Variants in TRPM3 observed in about 807,000 individuals in gnomAD.
TRPM3 encodes the protein transient receptor potential cation channel subfamily M member 3, also known as long transient receptor potential channel 3.
TRPM3 carries 77 observed loss-of-function variants against 181.2 expected under a neutral mutation model. The ratio of observed to expected loss-of-function variants is 0.42; its 90% CI spans 0.35 to 0.51. The LOEUF is 0.51. Ranked by LOEUF, TRPM3 falls within the 20% of genes least tolerant of loss-of-function variation. The pLI, the probability that TRPM3 is intolerant of heterozygous loss-of-function variation, is 0.01. For synonymous variants in TRPM3, 745 were observed against 796.4 expected, an observed-to-expected ratio of 0.94 and a Z score of 1.09; for missense variants, 1,759 against 2,196.7, an observed-to-expected ratio of 0.80 and a Z score of 3.98.
chr9:70,843,049 G>A lies in TRPM3; in HGVS notation c.755C>T (p.Ala252Val). The change falls in exon 5 of 26, where the codon GCC becomes GTC. Residue 252 changes from alanine to valine, a missense_variant. Physicochemically the swap from Ala to Val is moderately conservative, Grantham distance 64. Coordinates refer to ENST00000677713, the MANE Select transcript of TRPM3 (RefSeq NM_001366145.2). Reference protein sequence around the residue: ...SRGKICTIGIAPWGIVENQED... With the variant: ...SRGKICTIGIVPWGIVENQED... ...CTGGTTTTCCACAATTCCCCAGGGG[G>A]CAATACCTATGGTGCATATCTTTCC... 6.2e-7 allele frequency: 1 copy of A among 1,613,556 alleles called. No individual in the cohort carries two copies. The highest frequency in any genetic ancestry group is 8.5e-7 in the Non-Finnish European group (1 of 1,179,796).
chr9:71,384,226 A>T (rs1334257307), intron 1 of TRPM3, among the ~76,000 whole-genome samples: 1 of 152,192 alleles, frequency 6.6e-6, no homozygotes, highest in African/African-American at 2.4e-5. Flanking sequence ...ATAAATTGAA[A>T]AAACCTGAAT....
intron 1 of TRPM3, among the ~76,000 whole-genome samples, chr9:71,246,097 G>A (rs765716593): frequency 2.6e-5 from 4 of 152,128 alleles, no homozygotes; most frequent in Non-Finnish European, 5.9e-5. Context: ...TTTGGGAAGT[G>A]GACTGCTGCA....
At chr9:71,399,503 T>C (rs2093282776) in intron 1 of TRPM3, among the ~76,000 whole-genome samples, 1 of 151,390 alleles carries the variant, frequency 6.6e-6, no homozygotes, top group Admixed American at 6.6e-5. Flanking sequence ...ATGATATTCA[T>C]TTTACTCCTT....
intron 1 of TRPM3, among the ~76,000 whole-genome samples, chr9:71,186,556 T>C (rs925173573): frequency 3.3e-5 from 5 of 151,984 alleles, no homozygotes; most frequent in African/African-American, 1.2e-4. Flanking sequence ...AAGACTGATG[T>C]CCAAAGATGC....
chr9:71,260,006 G>A (rs1310477736), intron 1 of TRPM3, among the ~76,000 whole-genome samples: 5 of 151,914 alleles, frequency 3.3e-5, no homozygotes, highest in Admixed American at 6.6e-5. Context: ...GGGTTTTTAC[G>A]GTTTTAAGTC....
intron 1 of TRPM3, among the ~76,000 whole-genome samples, chr9:71,439,586 C>T (rs920246745): frequency 2.6e-5 from 4 of 152,098 alleles, no homozygotes; most frequent in African/African-American, 9.7e-5. Context: ...CAGCACTACT[C>T]CCCTGCTGCC....
At position 70,761,590 on chromosome 9, in the gene TRPM3, G is replaced by T; in HGVS notation, c.1272+11C>A. 1.9e-6 allele frequency: 3 copies of T among 1,613,986 alleles called. No individual in the cohort carries two copies. The highest frequency in any genetic ancestry group is 2.5e-6 in the Non-Finnish European group (3 of 1,179,962). On this transcript the variant is annotated intron_variant, in intron 8 of 25. Coordinates refer to ENST00000677713, the MANE Select transcript of TRPM3 (RefSeq NM_001366145.2). Reference sequence around the variant, plus strand: ...GTGGAGACAGCTGGCCACCCATGCGGAATTACCTACCAATTCCTTCTTCTT... The same window carrying T: ...GTGGAGACAGCTGGCCACCCATGCGTAATTACCTACCAATTCCTTCTTCTT...
At chr9:71,413,085 C>T (rs1021393131) in intron 1 of TRPM3, among the ~76,000 whole-genome samples, 40 of 152,016 alleles carry the variant, frequency 2.6e-4, no homozygotes, top group Non-Finnish European at 5.3e-4. Context: ...ACATCACACA[C>T]TGGGGCCTTT....
intron 22 of TRPM3, among the ~76,000 whole-genome samples, chr9:70,575,073 C>T (rs1439541894): frequency 6.6e-6 from 1 of 151,302 alleles, no homozygotes; most frequent in Non-Finnish European, 1.5e-5. Context: ...TCTCAAGTAG[C>T]TGGGACCACA....
chr9:70,773,576 A>G (rs1447013129), intron 7 of TRPM3, among the ~76,000 whole-genome samples: 1 of 152,182 alleles, frequency 6.6e-6, no homozygotes, highest in Non-Finnish European at 1.5e-5. Context: ...TGGGACAAAT[A>G]TAAGTGTCTC....
At chr9:71,394,765 TCAA>T (rs1257058475) in intron 1 of TRPM3, among the ~76,000 whole-genome samples, 1 of 152,160 alleles carries the variant, frequency 6.6e-6, no homozygotes, top group Non-Finnish European at 1.5e-5. Flanking sequence ...GAGAAAAAAA[TCAA>T]CCTGTTTCTT....
rs1047213385 is a variant in TRPM3, at chr9:70,615,448, C to T, written c.2526+460G>A. Among the ~76,000 whole-genome samples, 14 of 152,186 alleles carry T rather than the reference C, an allele frequency of 9.2e-5. 1 individual carries two copies. The highest frequency in any genetic ancestry group is 1.8e-4 in the Non-Finnish European group (12 of 68,038). ...TAATAAAAGCTTTGCATACAAACCT[C>T]AAAATTCAATTAGTGCTGTAATTGT... is the stretch of plus-strand genomic sequence containing the variant. On this transcript the variant is annotated intron_variant, in intron 18 of 25. Transcript: ENST00000677713.
At chr9:70,867,970 C>A (rs552753471) in intron 1 of TRPM3, among the ~76,000 whole-genome samples, 1 of 152,132 alleles carries the variant, frequency 6.6e-6, no homozygotes, top group South Asian at 2.1e-4. Flanking sequence ...GAATAGTTAT[C>A]CTCATTGTTA....
chr9:71,200,521 G>C (rs12376005), intron 1 of TRPM3, among the ~76,000 whole-genome samples: 41,788 of 151,512 alleles, frequency 0.28, 6,153 homozygotes, highest in East Asian at 0.36. Flanking sequence ...TCTCTTCGTA[G>C]GTCACTCAGG....
chr9:70,684,216 G>C (rs1301783402), intron 8 of TRPM3, among the ~76,000 whole-genome samples: 1 of 152,224 alleles, frequency 6.6e-6, no homozygotes, highest in Non-Finnish European at 1.5e-5. Context: ...TGAGGTTGAG[G>C]AAAGGAAGAT....
intron 1 of TRPM3, among the ~76,000 whole-genome samples, chr9:71,051,034 T>C (rs1355221999): frequency 6.6e-6 from 1 of 152,212 alleles, no homozygotes; most frequent in African/African-American, 2.4e-5. Flanking sequence ...GTCACTGTTT[T>C]GAAAACTGTG....
intron 1 of TRPM3, among the ~76,000 whole-genome samples, chr9:71,034,336 T>A (rs1041619888): frequency 6.6e-6 from 1 of 152,184 alleles, no homozygotes; most frequent in South Asian, 2.1e-4. Context: ...TGAATATGTT[T>A]CTTTAAATTG....
chr9:70,610,698 C>A lies in TRPM3; in HGVS notation c.2578G>T (p.Glu860Ter), dbSNP rs1414590505. The A allele has an allele frequency of 1.2e-6, 2 of 1,614,056 alleles. No individual in the cohort carries two copies. Among genetic ancestry groups the A allele is most frequent in the Non-Finnish European group, 8.5e-7 (1 of 1,180,018 alleles). ...GESSRKKDEE[E>*]VQSKHRLIPL... is the part of the protein sequence containing the mutation. The stretch of plus-strand genomic sequence containing the variant: ...ATTAACCGGTGCTTGCTCTGAACTT[C>A]CTCTTCATCCTTCTTCCTGGAGGAC... Residue 860 changes from glutamate (E) to a stop codon, truncating the protein, a stop_gained, in exon 19 of 26, where the codon GAA (glutamate) becomes TAA (stop). Transcript: ENST00000677713. LOFTEE classifies it high-confidence loss of function.
chr9:70,539,283 A>G (rs550198214), intron 25 of TRPM3, among the ~76,000 whole-genome samples: 1 of 152,224 alleles, frequency 6.6e-6, no homozygotes, highest in Non-Finnish European at 1.5e-5. Context: ...AGGCATGTGG[A>G]TCTCTGGGAG....
Sources: allele counts gnomAD v4.1 joint callset (sites outside exome capture counted in the v4.1 genomes callset), GRCh38; gene constraint gnomAD v4.1.1; transcripts MANE v1.5; gene names NCBI Gene and HGNC (gene_info 2026-07-23, HGNC 2026-07-21).